Variants in MAST4 observed in about 807,000 individuals in gnomAD.
MAST4 encodes microtubule associated serine/threonine kinase family member 4.
A neutral mutation model predicts 162.7 loss-of-function variants in MAST4; 89 were observed. The observed-to-expected ratio is 0.55, with a 90% CI of 0.46 to 0.65. The LOEUF is 0.65. MAST4 is among the 30% of genes least tolerant of loss of function. The pLI, the probability that MAST4 is intolerant of heterozygous loss-of-function variation, is 0.00. For missense variants in MAST4, 3,153 were observed against 3,374.0 expected (o/e 0.93, Z 1.62); for synonymous variants, 1,479 against 1,361.1 (o/e 1.09, Z -1.91).
At chr5:66,801,198 G>GATAAAT (rs1296200025) in intron 3 of MAST4, among the ~76,000 whole-genome samples, 1 of 152,118 alleles carries the variant, frequency 6.6e-6, no homozygotes, top group Non-Finnish European at 1.5e-5. Flanking sequence ...AATTTTAACA[G>GATAAAT]GCCTGTGTAT....
At chr5:66,774,313 T>G (rs909881008) in intron 2 of MAST4, among the ~76,000 whole-genome samples, 3 of 152,262 alleles carry the variant, frequency 2.0e-5, no homozygotes, top group African/African-American at 7.2e-5. Context: ...TATTTTGGTT[T>G]TGCTCCATTT....
chr5:66,623,632 A>C (rs951770082), intron 1 of MAST4, among the ~76,000 whole-genome samples: 1 of 152,234 alleles, frequency 6.6e-6, no homozygotes, highest in Non-Finnish European at 1.5e-5. Flanking sequence ...ACTTAGTAAA[A>C]GCCATATATG....
At chr5:67,069,034 G>A (rs765234718) in intron 5 of MAST4, among the ~76,000 whole-genome samples, 1 of 151,748 alleles carries the variant, frequency 6.6e-6, no homozygotes, top group East Asian at 1.9e-4. Context: ...GCTGATACAC[G>A]TATACCTAAG....
At chr5:66,931,972 G>A in intron 4 of MAST4, among the ~76,000 whole-genome samples, 1 of 152,128 alleles carries the variant, frequency 6.6e-6, no homozygotes, top group East Asian at 1.9e-4. Context: ...CAGGGGTGAG[G>A]AGGAATGGTA....
At chr5:66,602,071 A>T (rs533195157) in intron 1 of MAST4, among the ~76,000 whole-genome samples, 3 of 152,252 alleles carry the variant, frequency 2.0e-5, no homozygotes, top group Admixed American at 6.5e-5. Flanking sequence ...TACATATGAA[A>T]TACTTTTGAT....
intron 5 of MAST4, among the ~76,000 whole-genome samples, chr5:67,078,390 A>T (rs111877733): frequency 1.3e-5 from 2 of 150,854 alleles, no homozygotes; most frequent in African/African-American, 4.9e-5. Context: ...GGAATGAAGT[A>T]CAAACTCTGG....
chr5:66,936,580 G>A (rs1053700607), intron 4 of MAST4, among the ~76,000 whole-genome samples: 1 of 152,164 alleles, frequency 6.6e-6, no homozygotes, highest in Admixed American at 6.5e-5. Flanking sequence ...CTCAGTGGGG[G>A]AGCTTTTGAG....
intron 26 of MAST4, among the ~76,000 whole-genome samples, chr5:67,159,673 C>A (rs1332650723): frequency 1.3e-5 from 2 of 152,220 alleles, no homozygotes; most frequent in Admixed American, 1.3e-4. Context: ...GGACTACCCA[C>A]CTGCCCTGGG....
intron 4 of MAST4, among the ~76,000 whole-genome samples, chr5:67,052,108 G>C (rs1335182479): frequency 6.6e-6 from 1 of 152,086 alleles, no homozygotes; most frequent in Non-Finnish European, 1.5e-5. Context: ...CTTAAATATG[G>C]TAAACTGTTC....
chr5:67,142,578 T>A (rs1027883542), intron 21 of MAST4, 45 bp downstream of exon 21: 2 of 1,298,690 alleles, frequency 1.5e-6, no homozygotes, highest in Non-Finnish European at 1.1e-6. Flanking sequence ...TCTGGGAGGA[T>A]CTCCCGCTGG....
chr5:66,791,019 A>G (rs1227019548), intron 3 of MAST4, among the ~76,000 whole-genome samples: 3 of 152,046 alleles, frequency 2.0e-5, no homozygotes, highest in African/African-American at 4.8e-5. Context: ...TAAGTAATAT[A>G]TCTTCTTTTT....
At chr5:66,765,305 C>T (rs1348315138) in intron 2 of MAST4, among the ~76,000 whole-genome samples, 2 of 152,072 alleles carry the variant, frequency 1.3e-5, no homozygotes, top group Non-Finnish European at 2.9e-5. Flanking sequence ...TCCAGGATAC[C>T]GAAGTTCATA....
intron 1 of MAST4, among the ~76,000 whole-genome samples, chr5:66,738,765 G>A (rs1752313468): frequency 6.6e-6 from 1 of 152,192 alleles, no homozygotes; most frequent in Admixed American, 6.5e-5. Flanking sequence ...ATACTCAGCT[G>A]CTGTCAGGCC....
At chr5:66,618,624 C>T (rs1269876925) in intron 1 of MAST4, among the ~76,000 whole-genome samples, 3 of 152,060 alleles carry the variant, frequency 2.0e-5, no homozygotes, top group Non-Finnish European at 4.4e-5. Context: ...GAGACAGACA[C>T]GCTGGTTTAA....
chr5:66,738,287 A>G (rs1752267398), intron 1 of MAST4: 1 of 152,246 alleles, frequency 6.6e-6, no homozygotes, highest in Admixed American at 6.5e-5. Flanking sequence ...TCTCACACCC[A>G]CAATTTAGTG....
At chr5:66,871,515 G>A (rs1760929582) in intron 3 of MAST4, among the ~76,000 whole-genome samples, 1 of 152,160 alleles carries the variant, frequency 6.6e-6, no homozygotes, top group African/African-American at 2.4e-5. Flanking sequence ...CCACAGAAAA[G>A]TGGTTGAAGT....
At position 67,100,528 on chromosome 5, in the gene MAST4, G is replaced by A. The variant is rs578052517; in HGVS notation, c.1006G>A (p.Glu336Lys). 5.0e-6 allele frequency: 8 copies of A among 1,613,784 alleles called. No homozygotes were observed. Among genetic ancestry groups the A allele is most frequent in the African/African-American group, 4.0e-5 (3 of 74,960 alleles). Residue 336 changes from glutamate (E) to lysine (K), a missense_variant, in exon 8 of 29, where the codon GAA becomes AAA. Glu to Lys is a moderately conservative substitution (Grantham distance 56). This residue lies in a region of MAST4 where 360 missense variants were observed against 450.0 expected (regional missense o/e 0.80). Coordinates refer to ENST00000403625, the MANE Select transcript of MAST4 (RefSeq NM_001164664.2). ...HFLSKHFCTT[E>K]SIATENRCRN... ...CTTATCAAAACATTTCTGTACCACC[G>A]AAAGCATCGCCACTGAGAACAGATG... is the stretch of plus-strand genomic sequence containing the variant.
chr5:66,897,067 T>C (rs1030025696), intron 3 of MAST4, among the ~76,000 whole-genome samples: 1 of 152,220 alleles, frequency 6.6e-6, no homozygotes, highest in Non-Finnish European at 1.5e-5. Context: ...TCAATATCAA[T>C]GAAAATCTAG....
At chr5:66,991,109 A>T (rs1470255337) in intron 4 of MAST4, among the ~76,000 whole-genome samples, 1 of 152,204 alleles carries the variant, frequency 6.6e-6, no homozygotes, top group Non-Finnish European at 1.5e-5. Context: ...CAGGCATGAA[A>T]CAGTCTGCTG....
Sources: allele counts gnomAD v4.1 joint callset (sites outside exome capture counted in the v4.1 genomes callset), GRCh38; gene constraint gnomAD v4.1.1; regional missense constraint gnomAD v4.1.1; transcripts MANE v1.5; gene names NCBI Gene and HGNC (gene_info 2026-07-23, HGNC 2026-07-21).